SLC9A3: variants seen among roughly 807,000 people sequenced by gnomAD.
SLC9A3 encodes the protein sodium/hydrogen exchanger 3.
Under a neutral mutation model 86.8 loss-of-function variants are expected in SLC9A3, and 37 were observed. That is an observed-to-expected ratio of 0.43 (90% CI 0.33 to 0.56). SLC9A3 has a LOEUF of 0.56. SLC9A3 is among the 20% of genes least tolerant of loss of function. SLC9A3 has a pLI of 0.06. For missense variants in SLC9A3, 1,011 were observed against 1,171.9 expected (o/e 0.86, Z 2.00); for synonymous variants, 581 against 528.3 (o/e 1.10, Z -1.37).
intron 2 of SLC9A3, among the ~76,000 whole-genome samples, chr5:490,993 T>C (rs543464554): frequency 6.6e-6 from 1 of 152,318 alleles, no homozygotes; most frequent in South Asian, 2.1e-4. Context: ...TTGATTCCCA[T>C]GGAGAGGCCG....
In SLC9A3 at chr5:475,037, G is replaced by C. The variant is rs1393802708; in HGVS notation, c.2347C>G (p.Pro783Ala). 8 of 1,612,258 alleles carry C rather than the reference G, an allele frequency of 5.0e-6. No homozygotes were observed. The Admixed American group carries it at 6.7e-5, about 13-fold the overall frequency. ...ATCTGCGTGCGGGCCCTCTGCGAGG[G>C]GACCACCGTCTCCCCGGGAGACAGC... ...PWLSPGETVV[P>A]SQRARTQIPY... The change falls in exon 16 of 17, where the codon CCC (proline) becomes GCC (alanine). Residue 783 changes from proline to alanine, a missense_variant. Transcript: ENST00000264938.
intron 1 of SLC9A3, among the ~76,000 whole-genome samples, chr5:500,610 C>T (rs61523239): frequency 1.9e-3 from 147 of 78,040 alleles, no homozygotes; most frequent in African/African-American, 4.6e-3. Flanking sequence ...TGGAAGGGGC[C>T]GGTGTGGATG....
At chr5:484,835 G>A in intron 4 of SLC9A3, 138 bp from the exon 5 acceptor site, 1 of 812,752 alleles carries the variant, frequency 1.2e-6, no homozygotes, top group Non-Finnish European at 1.9e-6. Context: ...ATCGGGCCTG[G>A]TCTCAGCACC....
intron 3 of SLC9A3, 102 bp downstream of exon 3, chr5:488,214 C>G (rs1739559154): frequency 7.6e-7 from 1 of 1,322,062 alleles, no homozygotes; most frequent in African/African-American, 1.5e-5. Flanking sequence ...AGTTTGAGGA[C>G]AGGGTTTCAC....
intron 11 of SLC9A3, 49 bp from the exon 12 acceptor site, chr5:476,721 C>T (rs1347238487): frequency 6.3e-7 from 1 of 1,588,216 alleles, no homozygotes; most frequent in Middle Eastern, 1.8e-4. Flanking sequence ...AGGGTGGGGT[C>T]TCTTGCGCGC....
In SLC9A3 at chr5:497,497, A is replaced by T. The variant is rs1048078102; in HGVS notation, c.212-5426T>A. Among the ~76,000 whole-genome samples, 2 of 152,166 alleles carry T rather than the reference A, an allele frequency of 1.3e-5. No homozygotes were observed. The highest frequency in any genetic ancestry group is 2.9e-5 in the Non-Finnish European group (2 of 68,020). ...GGACACAGTCAGCCGGACTTTGCTT[A>T]GTTCACCTGTCGGAGCCACTCGTTC... On this transcript the variant is annotated intron_variant, in intron 1 of 16. Coordinates refer to ENST00000264938, the MANE Select transcript of SLC9A3 (RefSeq NM_004174.4). The surrounding 1 kb of genome is among the most constrained non-coding windows in gnomAD (Gnocchi z 5.4).
rs1738306648 is a variant in SLC9A3 at position 470,655 on chromosome 5, T to TAATA, written c.*2720_*2723dup. ...TGATTAGAATTACACGAAATTTGAT[T>TAATA]AATATTATAGCTGCAAAATTAACAT... On this transcript the variant is annotated 3_prime_UTR_variant, in exon 17 of 17. Coordinates refer to ENST00000264938, the MANE Select transcript of SLC9A3 (RefSeq NM_004174.4). The TAATA allele has an allele frequency of 6.6e-6, 1 of 152,344 alleles. No homozygotes were observed. The highest frequency in any genetic ancestry group is 1.9e-4 in the East Asian group (1 of 5,318). 9.4% of individuals were successfully genotyped at this position (152,344 alleles called of 1,614,324 possible). A position where few individuals can be genotyped will look rare whatever the true frequency, so the allele number is the denominator to read the frequency against.
At chr5:482,471 G>T (rs1560954482) in intron 7 of SLC9A3, 77 bp downstream of exon 7, 2 of 1,234,610 alleles carry the variant, frequency 1.6e-6, no homozygotes, top group Non-Finnish European at 1.2e-6. Flanking sequence ...GCCTGGAAAT[G>T]CTTGTCCTGA....
intron 1 of SLC9A3, among the ~76,000 whole-genome samples, chr5:506,995 C>T (rs1015088334): frequency 1.1e-4 from 17 of 149,628 alleles, no homozygotes; most frequent in African/African-American, 3.4e-4. Flanking sequence ...CGCTTGAACC[C>T]GGGAGGTGGA....
At chr5:522,506 T>C (rs572875363) in intron 1 of SLC9A3, among the ~76,000 whole-genome samples, 1 of 152,246 alleles carries the variant, frequency 6.6e-6, no homozygotes, top group South Asian at 2.1e-4. Flanking sequence ...ACGCCTGTCA[T>C]CCCAGCACTT....
intron 1 of SLC9A3, among the ~76,000 whole-genome samples, chr5:500,848 T>TC (rs1740242287): frequency 1.4e-5 from 1 of 71,176 alleles, no homozygotes; most frequent in African/African-American, 5.9e-5. Context: ...TGGACGGGGC[T>TC]GGTGTGGATG....
At chr5:479,741 G>T in intron 10 of SLC9A3, 95 bp downstream of exon 10, 1 of 1,331,034 alleles carries the variant, frequency 7.5e-7, no homozygotes, top group East Asian at 2.3e-5. Context: ...CTTGGGACGC[G>T]GGTGCAGGGG....
intron 5 of SLC9A3, among the ~76,000 whole-genome samples, chr5:483,788 C>G (rs1739334237): frequency 6.6e-6 from 1 of 152,246 alleles, no homozygotes; most frequent in Non-Finnish European, 1.5e-5. Flanking sequence ...CTGCTGTCGG[C>G]CCACAGACAA....
At chr5:511,547 C>G (rs1740868842) in intron 1 of SLC9A3, among the ~76,000 whole-genome samples, 1 of 152,240 alleles carries the variant, frequency 6.6e-6, no homozygotes, top group Non-Finnish European at 1.5e-5. Flanking sequence ...ATATGCACGA[C>G]AGCCCATGTC....
intron 1 of SLC9A3, among the ~76,000 whole-genome samples, chr5:494,870 C>G (rs780689678): frequency 6.6e-6 from 1 of 152,344 alleles, no homozygotes; most frequent in African/African-American, 2.4e-5. Context: ...GTTTTCTACA[C>G]GATGCACGTT....
At chr5:501,210 G>A (rs796595380) in intron 1 of SLC9A3, among the ~76,000 whole-genome samples, 2 of 152,260 alleles carry the variant, frequency 1.3e-5, no homozygotes, top group African/African-American at 2.4e-5. Context: ...CTGGGCCCCG[G>A]GGGGCTCAGG....
chr5:501,177 T>C (rs1330533841), intron 1 of SLC9A3, among the ~76,000 whole-genome samples: 1 of 152,004 alleles, frequency 6.6e-6, no homozygotes, highest in Admixed American at 6.5e-5. Flanking sequence ...CATTTCCGGA[T>C]GGGCGCCGGA....
rs529127263 is a variant in SLC9A3, at chr5:522,753, A to C, written c.211+1359T>G. On this transcript the variant is annotated intron_variant, in intron 1 of 16. Transcript: ENST00000264938. ...AAATTCTATCTCAAAAAAAAAAAAA[A>C]AAGAAAAAAAAAGAAATTACCTTTT... 7.9e-5 allele frequency among the ~76,000 whole-genome samples: 12 copies of C among 151,970 alleles called. No homozygotes were observed. In the East Asian group the frequency reaches 2.3e-3, roughly 29 times the overall value.
At chr5:490,040 C>T (rs1194113414) in intron 2 of SLC9A3, among the ~76,000 whole-genome samples, 2 of 152,250 alleles carry the variant, frequency 1.3e-5, no homozygotes, top group African/African-American at 4.8e-5. Context: ...TTGAGACGCT[C>T]CACAGGGCTT....
Sources: allele counts gnomAD v4.1 joint callset (sites outside exome capture counted in the v4.1 genomes callset), GRCh38; gene constraint gnomAD v4.1.1; non-coding constraint Gnocchi (gnomAD v3.1); transcripts MANE v1.5; gene names NCBI Gene and HGNC (gene_info 2026-07-23, HGNC 2026-07-21).